Variants in HS1BP3 observed in about 807,000 individuals in gnomAD.
HS1BP3 encodes HCLS1-binding protein 3.
A neutral mutation model predicts 33.5 loss-of-function variants in HS1BP3; 32 were observed. That is an observed-to-expected ratio of 0.95 (90% CI 0.72 to 1.28). The LOEUF is 1.28. Ranked by LOEUF, HS1BP3 falls within the 50% of genes most tolerant of loss-of-function variation. The pLI is 0.00. For synonymous variants in HS1BP3, 187 were observed against 209.2 expected, an observed-to-expected ratio of 0.89 and a Z score of 0.92; for missense variants, 486 against 502.3, an observed-to-expected ratio of 0.97 and a Z score of 0.31.
chr2:20,604,569 T>A (rs1694134775), intron 2 of HS1BP3, among the ~76,000 whole-genome samples: 1 of 152,194 alleles, frequency 6.6e-6, no homozygotes. Flanking sequence ...ATGTTTCACG[T>A]GAGCACCTCC....
chr2:20,597,164 C>T (rs1202282817), intron 3 of HS1BP3, among the ~76,000 whole-genome samples: 1 of 152,176 alleles, frequency 6.6e-6, no homozygotes, highest in Non-Finnish European at 1.5e-5. Flanking sequence ...GGCCCTTGGC[C>T]ACAGTCCTGG....
intron 5 of HS1BP3, among the ~76,000 whole-genome samples, chr2:20,584,783 C>G (rs1001611379): frequency 6.6e-6 from 1 of 152,136 alleles, no homozygotes; most frequent in Non-Finnish European, 1.5e-5. Flanking sequence ...GACATGCACA[C>G]CACATGTCTG....
chr2:20,565,983 A>G (rs1200190842), intron 5 of HS1BP3, among the ~76,000 whole-genome samples: 1 of 152,214 alleles, frequency 6.6e-6, no homozygotes, highest in African/African-American at 2.4e-5. Flanking sequence ...GCTTCCTGGT[A>G]TGGTAGTTAT....
At chr2:20,569,812 C>A (rs926735851) in intron 5 of HS1BP3, among the ~76,000 whole-genome samples, 7 of 152,238 alleles carry the variant, frequency 4.6e-5, no homozygotes, top group Admixed American at 4.6e-4. Flanking sequence ...GAAGCCCAAG[C>A]CTCACACATT....
downstream of HS1BP3, among the ~76,000 whole-genome samples, chr2:20,558,839 G>C (rs940542817): frequency 1.3e-5 from 2 of 152,192 alleles, no homozygotes; most frequent in African/African-American, 4.8e-5. Flanking sequence ...GACCACAGAG[G>C]GGGTAGGGCC....
At chr2:20,567,546 T>A (rs1036702626) in intron 5 of HS1BP3, among the ~76,000 whole-genome samples, 1 of 138,754 alleles carries the variant, frequency 7.2e-6, no homozygotes, top group African/African-American at 2.7e-5. Context: ...ACAAAGGGGG[T>A]CTGCGATCAG....
chr2:20,564,443 T>A (rs1693075760), intron 5 of HS1BP3, among the ~76,000 whole-genome samples: 1 of 152,204 alleles, frequency 6.6e-6, no homozygotes, highest in African/African-American at 2.4e-5. Context: ...CACTTTATTC[T>A]TTTTCTAGTT....
At chr2:20,614,815 C>A (rs1694388472), downstream of HS1BP3, among the ~76,000 whole-genome samples, 1 of 152,220 alleles carries the variant, frequency 6.6e-6, no homozygotes. Context: ...CATGCTGAGC[C>A]CATAATCCCA....
In HS1BP3 at chr2:20,641,057, T is replaced by A. The variant is rs560309016; in HGVS notation, c.322A>T (p.Arg108Trp). 2 of 1,613,982 alleles carry A rather than the reference T, an allele frequency of 1.2e-6. No homozygotes were observed. Among genetic ancestry groups the A allele is most frequent in the Non-Finnish European group, 1.7e-6 (2 of 1,180,034 alleles). The change falls in exon 3 of 7, where the codon AGG becomes TGG. Residue 108 changes from arginine to tryptophan, a missense_variant. Physicochemically the swap from Arg to Trp is moderately radical, Grantham distance 101 (BLOSUM62 -3). Transcript: ENST00000304031. ...AGGATCTCATTGAACACGGCTCTCC[T>A]CTCCCGGATGTCAGACTCCCCAACA... ...LFVGESDIRE[R>W]RAVFNEILRC...
At chr2:20,570,138 C>G (rs773256756) in intron 5 of HS1BP3, among the ~76,000 whole-genome samples, 1 of 152,082 alleles carries the variant, frequency 6.6e-6, no homozygotes, top group African/African-American at 2.4e-5. Context: ...GACTACTCCT[C>G]TCATCCTCAG....
chr2:20,589,259 G>A (rs577187065), downstream of HS1BP3, among the ~76,000 whole-genome samples: 8 of 152,282 alleles, frequency 5.3e-5, no homozygotes, highest in South Asian at 4.1e-4. Context: ...GGCCTTCACC[G>A]TCCAACACAT....
chr2:20,602,236 C>A (rs898373181), intron 2 of HS1BP3, among the ~76,000 whole-genome samples: 3 of 151,676 alleles, frequency 2.0e-5, no homozygotes, highest in Non-Finnish European at 4.4e-5. Flanking sequence ...TATTTCTGGC[C>A]TCTGTGCCAG....
chr2:20,588,439 C>T (rs1693733162), downstream of HS1BP3, among the ~76,000 whole-genome samples: 2 of 152,170 alleles, frequency 1.3e-5, no homozygotes, highest in Admixed American at 1.3e-4. Context: ...GCCTCAGCCT[C>T]CCGAGTAGCT....
chr2:20,601,980 T>G (rs1182168773), intron 2 of HS1BP3, among the ~76,000 whole-genome samples: 1 of 151,636 alleles, frequency 6.6e-6, no homozygotes, highest in African/African-American at 2.4e-5. Flanking sequence ...GGGGCTCATA[T>G]TTGTGTTTTT....
At chr2:20,593,439 G>T (rs1693868416) in intron 3 of HS1BP3, among the ~76,000 whole-genome samples, 1 of 152,154 alleles carries the variant, frequency 6.6e-6, no homozygotes, top group African/African-American at 2.4e-5. Flanking sequence ...GTTGACCTTG[G>T]CTGAATGAAT....
chr2:20,574,702 C>T (rs547653316), intron 5 of HS1BP3, among the ~76,000 whole-genome samples: 86 of 152,354 alleles, frequency 5.6e-4, no homozygotes, highest in African/African-American at 2.0e-3. Flanking sequence ...CTTCCCCCAG[C>T]AGCACCCGGG....
chr2:20,627,655 G>A (rs576952324), intron 4 of HS1BP3, among the ~76,000 whole-genome samples: 11 of 152,280 alleles, frequency 7.2e-5, no homozygotes, highest in African/African-American at 2.6e-4. Context: ...CAGCACACGC[G>A]GGCGGCTCCA....
rs181132758 is a variant in HS1BP3 at position 20,630,141 on chromosome 2, C to G, written c.624-5249G>C. 4.5e-4 allele frequency among the ~76,000 whole-genome samples: 68 copies of G among 152,366 alleles called. 1 individual carries two copies. The highest frequency in any genetic ancestry group is 7.9e-4 in the Non-Finnish European group (54 of 68,034). ...ACATGGACAGCATGAGTCTTCAAAG[C>G]CAGGGTGCAGCTTAACCAAATACGG... On this transcript the variant is annotated intron_variant, in intron 4 of 6. Transcript: ENST00000304031.
rs1384256269 is a variant in HS1BP3, at chr2:20,618,657, C to T, written c.*330G>A. The T allele has an allele frequency of 4.0e-5, 46 of 1,135,896 alleles. No individual in the cohort carries two copies. The highest frequency in any genetic ancestry group is 3.3e-4 in the East Asian group (7 of 21,074). The allele number at this position is 1,135,896 out of a possible 1,614,324, so 70.4% of individuals were successfully genotyped here. A position where few individuals can be genotyped will look rare whatever the true frequency, so the allele number is the denominator to read the frequency against. ...CCCTGCCCCATGTGACACCTCGCTACGGCCCCACATGTCTTGCTTCATCCT... is the reference window on the plus strand; with the variant it reads ...CCCTGCCCCATGTGACACCTCGCTATGGCCCCACATGTCTTGCTTCATCCT... On this transcript the variant is annotated 3_prime_UTR_variant, in exon 7 of 7. Coordinates refer to ENST00000304031, the MANE Select transcript of HS1BP3 (RefSeq NM_022460.4).
Sources: allele counts gnomAD v4.1 joint callset (sites outside exome capture counted in the v4.1 genomes callset), GRCh38; gene constraint gnomAD v4.1.1; transcripts MANE v1.5; gene names NCBI Gene and HGNC (gene_info 2026-07-23, HGNC 2026-07-21).